The following CASK variants were observed in gnomAD, a reference collection of about 807,000 sequenced individuals.
CASK encodes the protein peripheral plasma membrane protein CASK.
CASK carries 4 observed loss-of-function variants against 82.9 expected under a neutral mutation model. That is an observed-to-expected ratio of 0.05 (90% CI 0.02 to 0.11). The LOEUF (loss-of-function observed/expected upper bound fraction) is 0.11, where lower values mean the gene tolerates loss of function less well. Among genes scored for constraint, CASK ranks in the 10% least tolerant of loss-of-function variants. The pLI is 1.00. For synonymous variants in CASK, 259 were observed against 253.5 expected (o/e 1.02, Z -0.20); for missense variants, 358 against 720.9 (o/e 0.50, Z 5.76).
chrX:41,904,135 T>C (rs931036107), intron 1 of CASK, among the ~76,000 whole-genome samples: 2 of 112,142 alleles, frequency 1.8e-5, no homozygotes, highest in African/African-American at 6.5e-5. Context: ...AATGAAATCA[T>C]ACAATATGTG....
At chrX:41,559,589 T>A (rs2065199567) in intron 18 of CASK, 190 bp downstream of exon 18, 2 of 478,162 alleles carry the variant, frequency 4.2e-6, no homozygotes, top group Non-Finnish European at 7.6e-6. Flanking sequence ...GCTGAGGAGA[T>A]CCACATGGAA....
chrX:41,780,096 A>C (rs2069446063), intron 3 of CASK, among the ~76,000 whole-genome samples: 1 of 111,811 alleles, frequency 8.9e-6, no homozygotes, highest in Admixed American at 9.5e-5. Context: ...CTCTGTAATA[A>C]GGTAATTAAA....
chrX:41,557,403 T>C (rs1265239483), intron 18 of CASK, among the ~76,000 whole-genome samples: 2 of 111,577 alleles, frequency 1.8e-5, no homozygotes, highest in Non-Finnish European at 3.8e-5. Flanking sequence ...TAAAACCCTA[T>C]CAAGTATAAG....
rs1456601292 is a variant in CASK, at chrX:41,917,024, T to C, written c.59+5906A>G. Among the ~76,000 whole-genome samples, 5 of 112,177 alleles carry C rather than the reference T, an allele frequency of 4.5e-5. No homozygotes were observed. In the East Asian group the frequency reaches 8.4e-4, roughly 19 times the overall value. On this transcript the variant is annotated intron_variant, in intron 1 of 26. Coordinates refer to ENST00000378163, the MANE Select transcript of CASK (RefSeq NM_001367721.1). ...AAAAAGAAACAGATGAAAGAATGAA[T>C]AGTATATGGAACCTCTACTGAAGAA... is the stretch of plus-strand genomic sequence containing the variant.
intron 1 of CASK, among the ~76,000 whole-genome samples, chrX:41,854,961 T>C (rs987280206): frequency 8.9e-6 from 1 of 112,213 alleles, no homozygotes; most frequent in African/African-American, 3.2e-5. Context: ...CTTCATGTAA[T>C]TGGTTTTTGT....
At chrX:41,871,957 G>T (rs761560007) in intron 1 of CASK, among the ~76,000 whole-genome samples, 4 of 112,112 alleles carry the variant, frequency 3.6e-5, no homozygotes, top group Non-Finnish European at 7.5e-5. Flanking sequence ...TTTTGAAATA[G>T]ATATTATAGT....
At chrX:41,810,564 T>A (rs1277346844) in intron 2 of CASK, among the ~76,000 whole-genome samples, 1 of 111,286 alleles carries the variant, frequency 9.0e-6, no homozygotes, top group Non-Finnish European at 1.9e-5. Flanking sequence ...AGGCCTGCCC[T>A]ACAAGAGCTC....
At chrX:41,597,356 C>T (rs1018501826) in intron 12 of CASK, among the ~76,000 whole-genome samples, 9 of 112,443 alleles carry the variant, frequency 8.0e-5, no homozygotes, top group Non-Finnish European at 1.5e-4. Context: ...TAGCAACCAT[C>T]ATCTTATCAC....
intron 2 of CASK, among the ~76,000 whole-genome samples, chrX:41,811,864 A>G (rs2070295182): frequency 9.0e-6 from 1 of 110,752 alleles, no homozygotes; most frequent in African/African-American, 3.3e-5. Flanking sequence ...AGAAGAAAAG[A>G]GAGAAGAATC....
At chrX:41,737,651 A>T (rs1028635212) in intron 5 of CASK, among the ~76,000 whole-genome samples, 4 of 112,591 alleles carry the variant, frequency 3.6e-5, no homozygotes, top group Non-Finnish European at 7.5e-5. Flanking sequence ...TACATTATTG[A>T]AAGTATTACA....
chrX:41,627,818 C>T (rs957498139), intron 9 of CASK, among the ~76,000 whole-genome samples: 5 of 111,906 alleles, frequency 4.5e-5, no homozygotes, highest in Admixed American at 9.5e-5. Flanking sequence ...GCCTGACCAA[C>T]ACGGAGAAAC....
intron 5 of CASK, among the ~76,000 whole-genome samples, chrX:41,674,183 C>T (rs991900893): frequency 9.1e-6 from 1 of 110,145 alleles, no homozygotes; most frequent in South Asian, 3.9e-4. Context: ...GAGAGATTTG[C>T]TGCAGTAAAT....
intron 8 of CASK, among the ~76,000 whole-genome samples, chrX:41,647,409 C>T (rs766874169): frequency 1.4e-4 from 16 of 111,945 alleles, no homozygotes; most frequent in African/African-American, 3.6e-4. Context: ...GGAGCTGAGG[C>T]GTTAGATCAG....
In CASK at chrX:41,690,464, A is replaced by G. The variant is rs759601990; in HGVS notation, c.430-18934T>C. Among the ~76,000 whole-genome samples, 475 of 109,316 alleles carry G rather than the reference A, an allele frequency of 4.3e-3. 4 individuals are homozygous for G. The highest frequency in any genetic ancestry group is 0.015 in the African/African-American group (462 of 29,987). The allele number at this position is 109,316 out of a possible 115,157, so 94.9% of individuals were successfully genotyped here. On this transcript the variant is annotated intron_variant, in intron 5 of 26. Coordinates refer to ENST00000378163, the MANE Select transcript of CASK (RefSeq NM_001367721.1). ...CGGGTTCAAGCAATTCTCCAGCCTC[A>G]GCCTCCGGAGTAGCTGGGACTACAG...
chrX:41,702,875 C>T (rs1247860506), intron 5 of CASK, among the ~76,000 whole-genome samples: 1 of 112,293 alleles, frequency 8.9e-6, no homozygotes, highest in Non-Finnish European at 1.9e-5. Context: ...TCTGGAAGCT[C>T]TCTCTGAAAC....
At chrX:41,748,079 T>C (rs1034233548) in intron 3 of CASK, 1 of 112,021 alleles carries the variant, frequency 8.9e-6, no homozygotes, top group African/African-American at 3.2e-5. Flanking sequence ...TTTTCCTTTG[T>C]AATTGTGATA....
At chrX:41,841,109 G>C (rs1386538566) in intron 2 of CASK, among the ~76,000 whole-genome samples, 4 of 112,012 alleles carry the variant, frequency 3.6e-5, no homozygotes, top group African/African-American at 1.3e-4. Context: ...AACTTTTGAG[G>C]AACTGCCAAG....
At chrX:41,751,652 G>A (rs982021699) in intron 3 of CASK, among the ~76,000 whole-genome samples, 6 of 110,541 alleles carry the variant, frequency 5.4e-5, no homozygotes, top group Admixed American at 3.9e-4. Context: ...AGGCTCTGAT[G>A]AAACACCCTT....
At chrX:41,626,231 C>T (rs912347709) in intron 10 of CASK, among the ~76,000 whole-genome samples, 6 of 110,501 alleles carry the variant, frequency 5.4e-5, no homozygotes, top group African/African-American at 2.0e-4. Flanking sequence ...ATACGACTGA[C>T]CTGGGGAAAA....
Sources: gnomAD v4.1 joint callset for allele counts (sites outside exome capture counted in the v4.1 genomes callset) on GRCh38, gnomAD v4.1.1 for gene constraint, MANE v1.5 for transcripts, NCBI Gene and HGNC (gene_info 2026-07-23, HGNC 2026-07-21) for gene names.